ADCY9: variants seen among roughly 807,000 people sequenced by gnomAD.
ADCY9 encodes adenylate cyclase type 9.
ADCY9 carries 50 observed loss-of-function variants against 101.5 expected under a neutral mutation model. The observed-to-expected ratio is 0.49, with a 90% CI of 0.39 to 0.62. ADCY9 has a LOEUF of 0.62. Ranked by LOEUF, ADCY9 falls within the 20% of genes least tolerant of loss-of-function variation. The pLI is 0.00. For synonymous variants in ADCY9, 905 were observed against 769.3 expected, an observed-to-expected ratio of 1.18 and a Z score of -2.92; for missense variants, 1,662 against 1,800.4, an observed-to-expected ratio of 0.92 and a Z score of 1.39.
At chr16:4,083,942 T>C (rs1000137745) in intron 2 of ADCY9, among the ~76,000 whole-genome samples, 2 of 152,142 alleles carry the variant, frequency 1.3e-5, no homozygotes, top group Non-Finnish European at 2.9e-5. Flanking sequence ...GATGTCAAAG[T>C]ATAGGAACTG....
At chr16:4,051,698 C>T (rs190428609) in intron 2 of ADCY9, among the ~76,000 whole-genome samples, 124 of 152,166 alleles carry the variant, frequency 8.1e-4, no homozygotes, top group African/African-American at 2.9e-3. Flanking sequence ...AAATAGGAGT[C>T]TATGAGTGTA....
chr16:4,011,317 C>T (rs910656774), intron 2 of ADCY9, among the ~76,000 whole-genome samples: 1 of 152,264 alleles, frequency 6.6e-6, no homozygotes, highest in Middle Eastern at 3.4e-3. Context: ...AGCCACAGCA[C>T]CTGTGCAGGG....
Position 3,965,527 on chromosome 16 carries a change from T to C in ADCY9, c.*248A>G, listed in dbSNP as rs2055982004. On this transcript the variant is annotated 3_prime_UTR_variant, in exon 11 of 11. Transcript: ENST00000294016. ...AGGCCGAGGCCAGCCCTGAAGGCAC[T>C]TGTTCTCCACCACGTGCTGAACGGA... 2 of 548,944 alleles carry C rather than the reference T, an allele frequency of 3.6e-6. No homozygotes were observed. Among genetic ancestry groups the C allele is most frequent in the Admixed American group, 3.3e-5 (1 of 29,854 alleles). 34.0% of individuals were successfully genotyped at this position (548,944 alleles called of 1,614,324 possible). A position where few individuals can be genotyped will look rare whatever the true frequency, so the allele number is the denominator to read the frequency against.
downstream of ADCY9, among the ~76,000 whole-genome samples, chr16:3,959,997 G>T (rs2055929432): frequency 6.6e-6 from 1 of 152,142 alleles, no homozygotes; most frequent in Admixed American, 6.6e-5. Flanking sequence ...CTGCACTCTA[G>T]CCTGGGCAAC....
At chr16:4,107,407 C>T (rs548149171) in intron 2 of ADCY9, among the ~76,000 whole-genome samples, 13 of 151,582 alleles carry the variant, frequency 8.6e-5, no homozygotes, top group African/African-American at 2.9e-4. Context: ...AAAAATTAGC[C>T]GGGCGTGGTG....
At chr16:4,009,948 A>C (rs1347381273) in intron 2 of ADCY9, among the ~76,000 whole-genome samples, 2 of 152,216 alleles carry the variant, frequency 1.3e-5, no homozygotes, top group Non-Finnish European at 2.9e-5. Context: ...ACCAGGTGGC[A>C]GGGTGGTGAC....
intron 10 of ADCY9, among the ~76,000 whole-genome samples, chr16:3,973,602 C>T (rs2141678851): frequency 6.6e-6 from 1 of 152,228 alleles, no homozygotes; most frequent in East Asian, 1.9e-4. Context: ...GGCCTCAAGC[C>T]CACCTTAGCT....
At chr16:4,104,139 G>C (rs371463299) in intron 2 of ADCY9, among the ~76,000 whole-genome samples, 1 of 152,154 alleles carries the variant, frequency 6.6e-6, no homozygotes, top group African/African-American at 2.4e-5. Flanking sequence ...GAATGAGTCT[G>C]TCGCTTCAAG....
chr16:3,972,378 C>T (rs955586346), intron 10 of ADCY9, among the ~76,000 whole-genome samples: 13 of 151,682 alleles, frequency 8.6e-5, no homozygotes, highest in Non-Finnish European at 1.8e-4. Context: ...TACAGGTGCC[C>T]GCCACCACGT....
At chr16:3,986,883 G>A (rs2056197710) in intron 6 of ADCY9, among the ~76,000 whole-genome samples, 2 of 152,236 alleles carry the variant, frequency 1.3e-5, no homozygotes, top group Admixed American at 1.3e-4. Context: ...GGTGTGAGCT[G>A]TGTGATCTTT....
intron 7 of ADCY9, 143 bp from the exon 8 acceptor site, chr16:3,979,418 T>A: frequency 1.0e-6 from 1 of 958,908 alleles, no homozygotes; most frequent in Non-Finnish European, 1.5e-6. Context: ...AGGCGTGGGG[T>A]GGGAGTCTAC....
chr16:3,954,357 G>T (rs1343048818), intron 5 of ADCY9, among the ~76,000 whole-genome samples: 2 of 152,140 alleles, frequency 1.3e-5, no homozygotes, highest in African/African-American at 4.8e-5. Flanking sequence ...ATTGGGTGGG[G>T]CTCTCTGGGC....
At chr16:4,065,312 C>A (rs959428977) in intron 2 of ADCY9, among the ~76,000 whole-genome samples, 35 of 152,322 alleles carry the variant, frequency 2.3e-4, no homozygotes, top group Non-Finnish European at 4.4e-4. Context: ...TTCCAAACTG[C>A]ACCCTTCTAA....
rs148868551 is a variant in ADCY9, at chr16:4,022,716, C to T, written c.1694-15158G>A. On this transcript the variant is annotated intron_variant, in intron 2 of 10. Transcript: ENST00000294016. Reference sequence around the variant, plus strand: ...GGCTGAAGCAGAAGGATTGCTTGAACCCAGGAATTCAAAGCCTCAGTGAGC... The same window carrying T: ...GGCTGAAGCAGAAGGATTGCTTGAATCCAGGAATTCAAAGCCTCAGTGAGC... Among the ~76,000 whole-genome samples the T allele has an allele frequency of 2.4e-3, 371 of 152,108 alleles. 1 individual carries two copies. The highest frequency in any genetic ancestry group is 8.2e-3 in the African/African-American group (341 of 41,476).
chr16:4,100,140 A>C (rs1182617884), intron 2 of ADCY9, among the ~76,000 whole-genome samples: 1 of 151,902 alleles, frequency 6.6e-6, no homozygotes, highest in Non-Finnish European at 1.5e-5. Context: ...TGATGGTTTA[A>C]AAGTGGCAGT....
chr16:4,023,421 T>C (rs1413681230), intron 2 of ADCY9, among the ~76,000 whole-genome samples: 1 of 152,084 alleles, frequency 6.6e-6, no homozygotes, highest in Non-Finnish European at 1.5e-5. Flanking sequence ...GAAGTGGAGA[T>C]ATCACAGTGA....
chr16:3,971,961 G>T (rs1427816922), intron 10 of ADCY9, among the ~76,000 whole-genome samples: 1 of 152,208 alleles, frequency 6.6e-6, no homozygotes, highest in East Asian at 1.9e-4. Context: ...AGCAGCACAT[G>T]GGCTAGTGCC....
chr16:4,055,160 C>A (rs1450795550), intron 2 of ADCY9, among the ~76,000 whole-genome samples: 2 of 152,172 alleles, frequency 1.3e-5, no homozygotes, highest in African/African-American at 4.8e-5. Context: ...CAGAGCCATT[C>A]TTCCACACCG....
chr16:4,110,377 T>TTA (rs2057106393), intron 2 of ADCY9, among the ~76,000 whole-genome samples: 1 of 47,936 alleles, frequency 2.1e-5, no homozygotes, highest in Non-Finnish European at 4.1e-5. Flanking sequence ...TTATACCTAC[T>TTA]TTTTTTTTTT....
Sources: allele counts gnomAD v4.1 joint callset (sites outside exome capture counted in the v4.1 genomes callset), GRCh38; gene constraint gnomAD v4.1.1; transcripts MANE v1.5; gene names NCBI Gene and HGNC (gene_info 2026-07-23, HGNC 2026-07-21).